RGS7: variants seen among roughly 807,000 people sequenced by gnomAD.
The protein encoded by RGS7 is regulator of G-protein signaling 7.
A neutral mutation model predicts 81.1 loss-of-function variants in RGS7; 27 were observed. The ratio of observed to expected loss-of-function variants is 0.33; its 90% CI spans 0.25 to 0.46. The LOEUF is 0.46. Among genes scored for constraint, RGS7 ranks in the 20% least tolerant of loss-of-function variants. The pLI, the probability that RGS7 is intolerant of heterozygous loss-of-function variation, is 1.00. For missense variants in RGS7, 396 were observed against 607.4 expected (o/e 0.65, Z 3.66); for synonymous variants, 208 against 207.7 (o/e 1.00, Z -0.01).
chr1:241,254,710 A>C (rs1209449576), intron 2 of RGS7, among the ~76,000 whole-genome samples: 2 of 152,238 alleles, frequency 1.3e-5, no homozygotes, highest in African/African-American at 4.8e-5. Context: ...ATTCTTATGA[A>C]TAAGTTACAA....
chr1:241,049,025 CT>C (rs1399286823), intron 3 of RGS7, among the ~76,000 whole-genome samples: 1 of 152,196 alleles, frequency 6.6e-6, no homozygotes, highest in African/African-American at 2.4e-5. Context: ...CTGTCTGTGT[CT>C]TCATCTCCTG....
chr1:240,859,723 T>G (rs1661846656), intron 9 of RGS7, among the ~76,000 whole-genome samples: 1 of 152,108 alleles, frequency 6.6e-6, no homozygotes, highest in African/African-American at 2.4e-5. Flanking sequence ...TGCTTTAATT[T>G]TTATCATTTC....
chr1:241,036,674 T>C (rs1265465411), intron 3 of RGS7, among the ~76,000 whole-genome samples: 1 of 152,212 alleles, frequency 6.6e-6, no homozygotes, highest in Non-Finnish European at 1.5e-5. Flanking sequence ...TACAAAGGGA[T>C]AGTTAGGAAC....
chr1:241,068,238 G>GTGTGTGTATATATATATATATATATATA, intron 3 of RGS7, among the ~76,000 whole-genome samples: 1 of 35,660 alleles, frequency 2.8e-5, no homozygotes, highest in African/African-American at 9.5e-5. Context: ...GTGTGTGTGT[G>GTGTGTGTATATATATATATATATATATA]TATATATATA....
chr1:241,252,179 G>A (rs183654967), intron 2 of RGS7, among the ~76,000 whole-genome samples: 131 of 152,030 alleles, frequency 8.6e-4, no homozygotes, highest in African/African-American at 2.8e-3. Flanking sequence ...AAGTAGCTGG[G>A]ATTACAGGCG....
intron 6 of RGS7, among the ~76,000 whole-genome samples, chr1:240,899,945 T>C (rs1471187456): frequency 1.3e-5 from 2 of 152,238 alleles, no homozygotes; most frequent in Non-Finnish European, 2.9e-5. Flanking sequence ...GATTTGGTCT[T>C]TTCACATAGT....
At chr1:241,006,550 A>T (rs1190261681) in intron 3 of RGS7, among the ~76,000 whole-genome samples, 1 of 152,264 alleles carries the variant, frequency 6.6e-6, no homozygotes, top group Non-Finnish European at 1.5e-5. Context: ...AAGGAAAACT[A>T]GAGGGAACAA....
chr1:240,834,639 TA>T, intron 9 of RGS7, among the ~76,000 whole-genome samples: 1 of 152,158 alleles, frequency 6.6e-6, no homozygotes, highest in Non-Finnish European at 1.5e-5. Context: ...GCCTCCCGAG[TA>T]GCTGGGACTA....
chr1:241,178,877 T>C lies in RGS7; in HGVS notation c.79-80115A>G, dbSNP rs115679977. On this transcript the variant is annotated intron_variant, in intron 2 of 18. Transcript: ENST00000440928. ...ACTTGTGCATCAGTTATAGATCCTA[T>C]TGTAAGATTGATATGCAGCCAAACT... 7.2e-3 allele frequency among the ~76,000 whole-genome samples: 1,092 copies of C among 152,320 alleles called. 16 individuals carry two copies. Among genetic ancestry groups the C allele is most frequent in the African/African-American group, 0.025 (1,057 of 41,576 alleles).
intron 4 of RGS7, among the ~76,000 whole-genome samples, chr1:240,950,170 G>A (rs1205545210): frequency 6.6e-6 from 1 of 152,124 alleles, no homozygotes; most frequent in Non-Finnish European, 1.5e-5. Flanking sequence ...TTGACAATAA[G>A]GAACTCGAGG....
At chr1:240,776,383 C>T (rs1312054416) in intron 18 of RGS7, among the ~76,000 whole-genome samples, 170 bp from the exon 19 acceptor site, 1 of 151,640 alleles carries the variant, frequency 6.6e-6, no homozygotes, top group East Asian at 1.9e-4. Flanking sequence ...TTCCCCCCTC[C>T]CTCCCTCCAC....
chr1:240,884,730 C>T (rs1173465655), intron 6 of RGS7, among the ~76,000 whole-genome samples: 1 of 152,188 alleles, frequency 6.6e-6, no homozygotes, highest in Non-Finnish European at 1.5e-5. Flanking sequence ...TAGATCCCTT[C>T]TTTACACCAT....
At chr1:241,219,765 C>G (rs990122622) in intron 2 of RGS7, among the ~76,000 whole-genome samples, 1 of 151,118 alleles carries the variant, frequency 6.6e-6, no homozygotes, top group Admixed American at 6.6e-5. Context: ...CTTTGTTAAG[C>G]CTTTATTCAC....
chr1:240,820,431 T>C (rs1386604797), intron 10 of RGS7, among the ~76,000 whole-genome samples: 1 of 152,150 alleles, frequency 6.6e-6, no homozygotes, highest in Non-Finnish European at 1.5e-5. Context: ...CTTGACATTT[T>C]AGAAGAGAAC....
chr1:241,057,592 A>G lies in RGS7; in HGVS notation c.175+41074T>C, dbSNP rs1461260303. On this transcript the variant is annotated intron_variant, in intron 3 of 18. Coordinates refer to ENST00000440928, the MANE Select transcript of RGS7 (RefSeq NM_001364886.1). ...TTCAAACTCTTATTCTTCTTACTGT[A>G]GGATCTCTGTTCCTATTTATCTCTG... Among the ~76,000 whole-genome samples the G allele has an allele frequency of 2.1e-5, 3 of 144,208 alleles. No homozygotes were observed. In the South Asian group the frequency reaches 6.7e-4, roughly 32 times the overall value. The allele number at this position is 144,208 out of a possible 152,430, so 94.6% of individuals were successfully genotyped here. A position where few individuals can be genotyped will look rare whatever the true frequency, so the allele number is the denominator to read the frequency against.
chr1:240,944,280 GTGTATATATATATATATATA>G (rs1303179868), intron 4 of RGS7, among the ~76,000 whole-genome samples: 21 of 21,194 alleles, frequency 9.9e-4, no homozygotes, highest in Non-Finnish European at 1.8e-3. Flanking sequence ...GTGTGTGTGT[GTGTATATATATATATATATA>G]TATATATATA....
chr1:241,117,122 T>G (rs532155321), intron 2 of RGS7, among the ~76,000 whole-genome samples: 9 of 152,310 alleles, frequency 5.9e-5, no homozygotes, highest in Non-Finnish European at 1.3e-4. Context: ...CAAAAATGCA[T>G]GTCAGCTTTC....
At position 241,089,061 on chromosome 1, in the gene RGS7, CTCTATATATATATATA is replaced by C. The variant is rs1481828059; in HGVS notation, c.175+9589_175+9604del. On this transcript the variant is annotated intron_variant, in intron 3 of 18. Coordinates refer to ENST00000440928, the MANE Select transcript of RGS7 (RefSeq NM_001364886.1). ...TCTCTCTCTCTCTCTCTCTCTCTCT[CTCTATATATATATATA>C]TATATATATATATATATATACTGGC... Among the ~76,000 whole-genome samples the C allele has an allele frequency of 1.3e-3, 49 of 36,894 alleles. 1 individual carries two copies. The highest frequency in any genetic ancestry group is 6.4e-3 in the African/African-American group (44 of 6,822). 24.2% of individuals were successfully genotyped at this position (36,894 alleles called of 152,430 possible). A position where few individuals can be genotyped will look rare whatever the true frequency, so the allele number is the denominator to read the frequency against.
intron 18 of RGS7, among the ~76,000 whole-genome samples, chr1:240,785,858 G>A (rs541479849): frequency 8.5e-5 from 13 of 152,288 alleles, no homozygotes; most frequent in South Asian, 6.2e-4. Flanking sequence ...GAAACATAGT[G>A]AATAATTTTT....
Sources: allele counts gnomAD v4.1 joint callset (sites outside exome capture counted in the v4.1 genomes callset), GRCh38; gene constraint gnomAD v4.1.1; transcripts MANE v1.5; gene names NCBI Gene and HGNC (gene_info 2026-07-23, HGNC 2026-07-21).